The following FLNB variants were observed in gnomAD, a reference collection of about 807,000 sequenced individuals.
FLNB encodes filamin-B.
In FLNB, 111 loss-of-function variants were observed where a neutral mutation model predicts 250.6. That is an observed-to-expected ratio of 0.44 (90% CI 0.38 to 0.52). The LOEUF (loss-of-function observed/expected upper bound fraction) is 0.52, where lower values mean the gene tolerates loss of function less well. Ranked by LOEUF, FLNB falls within the 20% of genes least tolerant of loss-of-function variation. The pLI is 0.00. For synonymous variants in FLNB, 1,302 were observed against 1,372.1 expected (o/e 0.95, Z 1.13); for missense variants, 2,869 against 3,447.8 (o/e 0.83, Z 4.20).
Position 58,087,802 on chromosome 3 carries a change from A to ACGAT in FLNB, c.787+6028_787+6031dup, listed in dbSNP as rs1419345686. 4.0e-5 allele frequency among the ~76,000 whole-genome samples: 6 copies of ACGAT among 151,014 alleles called. No homozygotes were observed. The East Asian group carries it at 1.2e-3, about 29-fold the overall frequency. On this transcript the variant is annotated intron_variant, in intron 4 of 45. Transcript: ENST00000295956. ...GTTGCCCAGGCTGGAGTGCAATGGCACGATCTCGGCTCACTGCAACCTCTG... is the reference window on the plus strand; with the variant it reads ...GTTGCCCAGGCTGGAGTGCAATGGCACGATCGATCTCGGCTCACTGCAACCTCTG...
intron 1 of FLNB, among the ~76,000 whole-genome samples, chr3:58,011,836 G>T (rs545156231): frequency 1.7e-3 from 259 of 152,326 alleles, no homozygotes; most frequent in Middle Eastern, 3.4e-3. Context: ...AGAGTTCAGG[G>T]CTTAACACTG....
At position 58,111,848 on chromosome 3, in the gene FLNB, G is replaced by A; in HGVS notation, c.2542G>A (p.Val848Met). ...KVDPSHDASK[V>M]KAEGPGLSKA... ...TGACCCTTCCCACGATGCCAGCAAA[G>A]TGAAGGCAGAAGGCCCAGGGCTCAG... The change falls in exon 17 of 46, where the codon GTG (valine) becomes ATG (methionine). Residue 848 changes from valine to methionine, a missense_variant. By Grantham distance (21) the Val-to-Met change is conservative. Coordinates refer to ENST00000295956, the MANE Select transcript of FLNB (RefSeq NM_001457.4). The A allele has an allele frequency of 6.2e-7, 1 of 1,614,200 alleles. No individual in the cohort carries two copies. Among genetic ancestry groups the A allele is most frequent in the Non-Finnish European group, 8.5e-7 (1 of 1,180,026 alleles).
intron 9 of FLNB, among the ~76,000 whole-genome samples, chr3:58,102,948 T>G (rs764623337): frequency 2.0e-5 from 3 of 152,136 alleles, no homozygotes; most frequent in Non-Finnish European, 4.4e-5. Context: ...TGGGGATGGG[T>G]GTCTTCACTT....
intron 28 of FLNB, among the ~76,000 whole-genome samples, chr3:58,137,657 CAA>C (rs2097318775): frequency 6.6e-6 from 1 of 152,188 alleles, no homozygotes; most frequent in African/African-American, 2.4e-5. Flanking sequence ...CGCCAGAAAT[CAA>C]GAGAGAGACT....
chr3:58,147,978 C>T (rs2097338364), intron 34 of FLNB, among the ~76,000 whole-genome samples: 1 of 152,194 alleles, frequency 6.6e-6, no homozygotes, highest in Non-Finnish European at 1.5e-5. Context: ...TCCATGAGGA[C>T]TCAAGTCTCT....
intron 38 of FLNB, among the ~76,000 whole-genome samples, chr3:58,151,981 T>C (rs1428855217): frequency 1.3e-5 from 2 of 152,264 alleles, no homozygotes; most frequent in Non-Finnish European, 2.9e-5. Context: ...TTTCATATCT[T>C]CGATTACTAG....
chr3:58,064,339 C>T (rs1164938748), intron 1 of FLNB, among the ~76,000 whole-genome samples: 1 of 152,116 alleles, frequency 6.6e-6, no homozygotes. Flanking sequence ...TGGGGTTTCA[C>T]CATGGCTGGT....
intron 1 of FLNB, 84 bp downstream of exon 1, chr3:58,008,940 C>T: frequency 1.3e-6 from 2 of 1,527,074 alleles, no homozygotes; most frequent in Non-Finnish European, 1.8e-6. Context: ...CGAGGATTTC[C>T]CGCAGCGCGC....
rs1576750411 is a variant in FLNB at position 58,118,863 on chromosome 3, T to C, written c.2746-9T>C. On this transcript the variant is annotated splice_polypyrimidine_tract_variant and intron_variant, in intron 18 of 45. Coordinates refer to ENST00000295956, the MANE Select transcript of FLNB (RefSeq NM_001457.4). ...CCAAAGGTAAACTGAGTTTTCTCTC[T>C]TGTTCCAGGGCAACATGCAGGTTCT... 6.2e-7 allele frequency: 1 copy of C among 1,611,136 alleles called. No homozygotes were observed. Among genetic ancestry groups the C allele is most frequent in the African/African-American group, 1.3e-5 (1 of 74,996 alleles).
chr3:58,148,667 G>A lies in FLNB; in HGVS notation c.5906G>A (p.Arg1969Gln), dbSNP rs111492526. 2.7e-5 allele frequency: 43 copies of A among 1,614,038 alleles called. No individual in the cohort carries two copies. The highest frequency in any genetic ancestry group is 3.1e-5 in the Non-Finnish European group (36 of 1,179,988). The change falls in exon 36 of 46, where the codon CGG becomes CAG. Residue 1969 changes from arginine to glutamine, a missense_variant. Arg to Gln is a conservative substitution (Grantham distance 43). Transcript: ENST00000295956. ...NNHIGISFIP[R>Q]EVGEHLVSIK... ...GGTCCAGGCATCTCCTTCATCCCCC[G>A]GGAAGTGGGCGAACATCTGGTCAGC...
At chr3:58,068,841 G>A (rs753198106) in intron 1 of FLNB, among the ~76,000 whole-genome samples, 12 of 152,282 alleles carry the variant, frequency 7.9e-5, no homozygotes, top group South Asian at 2.1e-4. Context: ...TTTGTGCAGA[G>A]TTGGATATAG....
chr3:58,141,762 A>C, intron 29 of FLNB, 96 bp from the exon 30 acceptor site: 1 of 1,162,102 alleles, frequency 8.6e-7, no homozygotes, highest in East Asian at 2.3e-5. Flanking sequence ...CTGCAGTTCA[A>C]GATGGAGCAG....
chr3:58,107,011 A>G (rs530035151), intron 12 of FLNB, 138 bp downstream of exon 12: 5 of 727,612 alleles, frequency 6.9e-6, no homozygotes, highest in South Asian at 3.0e-5. Flanking sequence ...ACAGGCCTGC[A>G]TTTGTTTGTT....
intron 15 of FLNB, 75 bp downstream of exon 15, chr3:58,109,774 C>T: frequency 6.3e-7 from 1 of 1,591,618 alleles, no homozygotes; most frequent in South Asian, 1.1e-5. Context: ...CGTTTCAATG[C>T]CTTTTGAACT....
intron 6 of FLNB, 34 bp downstream of exon 6, chr3:58,096,252 G>C: frequency 6.8e-7 from 1 of 1,471,746 alleles, no homozygotes; most frequent in Non-Finnish European, 9.5e-7. Flanking sequence ...GGCTTGGGCT[G>C]CTCTGGGGCT....
intron 8 of FLNB, among the ~76,000 whole-genome samples, chr3:58,101,128 C>A (rs2097250570): frequency 6.6e-6 from 1 of 152,184 alleles, no homozygotes; most frequent in South Asian, 2.1e-4. Context: ...CATCTAAAAT[C>A]ATCTCTAACT....
intron 1 of FLNB, among the ~76,000 whole-genome samples, chr3:58,045,809 G>A (rs1576629026): frequency 6.6e-6 from 1 of 152,006 alleles, no homozygotes; most frequent in East Asian, 1.9e-4. Context: ...AGACCAGCCC[G>A]GCCAACATGG....
intron 1 of FLNB, among the ~76,000 whole-genome samples, chr3:58,035,122 T>C (rs1231367571): frequency 1.3e-5 from 2 of 152,192 alleles, no homozygotes; most frequent in Non-Finnish European, 2.9e-5. Flanking sequence ...ATTTATTCTT[T>C]AGAAAGCCCC....
At chr3:58,134,497 G>C (rs1000561002) in intron 26 of FLNB, 119 bp from the exon 27 acceptor site, 5 of 1,192,346 alleles carry the variant, frequency 4.2e-6, no homozygotes, top group Non-Finnish European at 6.3e-6. Context: ...CTAACTCACT[G>C]TCTTATCTGC....
Sources: gnomAD v4.1 joint callset for allele counts (sites outside exome capture counted in the v4.1 genomes callset) on GRCh38, gnomAD v4.1.1 for gene constraint, MANE v1.5 for transcripts, NCBI Gene and HGNC (gene_info 2026-07-23, HGNC 2026-07-21) for gene names.